SIL1: variants seen among roughly 807,000 people sequenced by gnomAD.
The protein encoded by SIL1 is nucleotide exchange factor SIL1.
In SIL1, 40 loss-of-function variants were observed where a neutral mutation model predicts 49.1. The observed-to-expected ratio is 0.81, with a 90% CI of 0.63 to 1.06. The LOEUF is 1.06. Ranked by LOEUF, SIL1 falls within the 50% of genes least tolerant of loss-of-function variation. The probability of loss-of-function intolerance (pLI) is 0.00; values close to 1 mark genes in which losing one functional copy is unlikely to be tolerated. For synonymous variants in SIL1, 253 were observed against 250.8 expected (o/e 1.01, Z -0.08); for missense variants, 500 against 572.6 (o/e 0.87, Z 1.29).
chr5:139,137,360 G>A, intron 1 of SIL1: 4 of 680,868 alleles, frequency 5.9e-6, no homozygotes, highest in Non-Finnish European at 7.9e-6. Context: ...CAGAGCAGTA[G>A]AGTCAGAATT....
chr5:139,160,924 T>TTAA (rs1244536117), intron 1 of SIL1, among the ~76,000 whole-genome samples: 3 of 151,990 alleles, frequency 2.0e-5, no homozygotes, highest in Non-Finnish European at 4.4e-5. Flanking sequence ...TAGGGGATAG[T>TTAA]CAGTAACTAA....
At chr5:139,006,494 T>C (rs1413800890) in intron 7 of SIL1, among the ~76,000 whole-genome samples, 4 of 135,406 alleles carry the variant, frequency 3.0e-5, no homozygotes, top group Non-Finnish European at 6.3e-5. Flanking sequence ...TTTGTTGCCA[T>C]TGCTTTTGGT....
chr5:139,136,289 G>A (rs957248071), intron 1 of SIL1, among the ~76,000 whole-genome samples: 2 of 152,194 alleles, frequency 1.3e-5, no homozygotes, highest in African/African-American at 2.4e-5. Flanking sequence ...GCCATTAGGC[G>A]TGGAACTTAT....
At chr5:139,085,490 C>A (rs531764089) in intron 3 of SIL1, among the ~76,000 whole-genome samples, 13 of 152,158 alleles carry the variant, frequency 8.5e-5, no homozygotes, top group Middle Eastern at 3.4e-3. Context: ...GAGCTGTTGG[C>A]ATGGCTTTGA....
At chr5:139,064,206 C>A (rs1769653234) in intron 3 of SIL1, among the ~76,000 whole-genome samples, 1 of 152,160 alleles carries the variant, frequency 6.6e-6, no homozygotes, top group African/African-American at 2.4e-5. Flanking sequence ...CCTAGTGGCC[C>A]TGCCACAAAA....
intron 7 of SIL1, among the ~76,000 whole-genome samples, chr5:138,984,550 G>A (rs1356806968): frequency 6.6e-6 from 1 of 151,986 alleles, no homozygotes; most frequent in Non-Finnish European, 1.5e-5. Context: ...GTAGAGATTG[G>A]GTTTTGCCCT....
At chr5:139,105,383 G>A (rs758677918) in intron 3 of SIL1, among the ~76,000 whole-genome samples, 1 of 152,098 alleles carries the variant, frequency 6.6e-6, no homozygotes, top group Non-Finnish European at 1.5e-5. Context: ...CTGTATCATC[G>A]CAGTGTTGAT....
intron 7 of SIL1, among the ~76,000 whole-genome samples, chr5:138,965,890 A>G (rs1767128482): frequency 1.3e-5 from 2 of 151,804 alleles, no homozygotes; most frequent in Admixed American, 6.6e-5. Flanking sequence ...CTTCCATAGA[A>G]CTTAACACAA....
intron 3 of SIL1, among the ~76,000 whole-genome samples, chr5:139,073,867 T>G (rs761215330): frequency 1.1e-4 from 16 of 150,552 alleles, no homozygotes; most frequent in Admixed American, 2.0e-4. Flanking sequence ...ACCATTGCAC[T>G]CCAGCCTGGG....
chr5:139,122,324 G>A (rs1382750107), intron 2 of SIL1, among the ~76,000 whole-genome samples: 2 of 152,086 alleles, frequency 1.3e-5, no homozygotes, highest in East Asian at 3.8e-4. Context: ...CAGGCATGGT[G>A]GCTCACACCT....
At chr5:139,006,891 T>A (rs1397416739) in intron 7 of SIL1, among the ~76,000 whole-genome samples, 2 of 147,524 alleles carry the variant, frequency 1.4e-5, no homozygotes, top group South Asian at 4.5e-4. Context: ...AGTCAGGTAG[T>A]GTGATGCCTC....
chr5:139,116,571 C>T (rs1770993606), intron 3 of SIL1, among the ~76,000 whole-genome samples: 1 of 152,222 alleles, frequency 6.6e-6, no homozygotes, highest in African/African-American at 2.4e-5. Flanking sequence ...CTCCACTTCC[C>T]CTTCAGGTCC....
intron 7 of SIL1, among the ~76,000 whole-genome samples, chr5:139,006,866 T>C: frequency 1.4e-5 from 2 of 146,012 alleles, no homozygotes; most frequent in South Asian, 2.3e-4. Flanking sequence ...ACTGTAGCCT[T>C]GTAGTATAGT....
chr5:138,953,589 A>G (rs902344441), intron 7 of SIL1, among the ~76,000 whole-genome samples: 4 of 152,170 alleles, frequency 2.6e-5, no homozygotes, highest in Admixed American at 6.5e-5. Context: ...CAGCCTGGAG[A>G]TGGGCCAGAG....
intron 7 of SIL1, among the ~76,000 whole-genome samples, chr5:139,019,321 C>T (rs1432123972): frequency 1.3e-5 from 2 of 152,162 alleles, no homozygotes; most frequent in Admixed American, 6.5e-5. Context: ...AATATCCTTA[C>T]CTTGCATCAA....
At chr5:139,098,603 C>T (rs1296602609) in intron 3 of SIL1, among the ~76,000 whole-genome samples, 1 of 151,568 alleles carries the variant, frequency 6.6e-6, no homozygotes, top group East Asian at 2.0e-4. Context: ...GGGATCATAT[C>T]AAATTAAAAA....
At chr5:139,130,703 G>A (rs935774132) in intron 1 of SIL1, among the ~76,000 whole-genome samples, 1 of 152,110 alleles carries the variant, frequency 6.6e-6, no homozygotes, top group African/African-American at 2.4e-5. Context: ...CATTATTCAC[G>A]ATACCCAAAA....
At chr5:139,195,652 G>A (rs1271301996) in intron 1 of SIL1, among the ~76,000 whole-genome samples, 1 of 152,210 alleles carries the variant, frequency 6.6e-6, no homozygotes, top group East Asian at 1.9e-4. Context: ...CTCCCAAAGT[G>A]CTGGGATTAC....
At chr5:139,155,994 G>A (rs954294398) in intron 1 of SIL1, among the ~76,000 whole-genome samples, 11 of 152,002 alleles carry the variant, frequency 7.2e-5, no homozygotes, top group African/African-American at 2.2e-4. Flanking sequence ...CACCATGCCC[G>A]GCTAACTTTT....
Sources: allele counts gnomAD v4.1 joint callset (sites outside exome capture counted in the v4.1 genomes callset), GRCh38; gene constraint gnomAD v4.1.1; transcripts MANE v1.5; gene names NCBI Gene and HGNC (gene_info 2026-07-23, HGNC 2026-07-21).